Variants in PBX3 observed in about 807,000 individuals in gnomAD.
PBX3 encodes the protein PBX homeobox 3.
PBX3 carries 14 observed loss-of-function variants against 48.5 expected under a neutral mutation model. The ratio of observed to expected loss-of-function variants is 0.29; its 90% confidence interval spans 0.19 to 0.45. The LOEUF is 0.45. Among genes scored for constraint, PBX3 ranks in the 20% least tolerant of loss-of-function variants. The pLI is 1.00. For missense variants in PBX3, 386 were observed against 546.7 expected (o/e 0.71, Z 2.93); for synonymous variants, 210 against 200.3 (o/e 1.05, Z -0.41).
chr9:125,748,541 GT>G lies in PBX3; in HGVS notation c.201-3del. 1.2e-6 allele frequency: 2 copies of G among 1,613,282 alleles called. No homozygotes were observed. The highest frequency in any genetic ancestry group is 1.3e-5 in the African/African-American group (1 of 75,046). ...CTAATACCTTTGTGTTTCGTTATTT[GT>G]TTTTTAGGAAACATGCCCTGAACTG... On this transcript the variant is annotated splice_region_variant and splice_polypyrimidine_tract_variant and intron_variant, in intron 1 of 8. Transcript: ENST00000373489.
intron 5 of PBX3, among the ~76,000 whole-genome samples, chr9:125,937,411 A>C (rs1288447967): frequency 1.3e-5 from 2 of 151,804 alleles, no homozygotes; most frequent in Non-Finnish European, 2.9e-5. Flanking sequence ...CTATGGAAAA[A>C]TAGCTTTATT....
intron 2 of PBX3, among the ~76,000 whole-genome samples, chr9:125,854,197 T>C (rs1346999799): frequency 1.3e-5 from 2 of 152,140 alleles, no homozygotes; most frequent in African/African-American, 4.8e-5. Flanking sequence ...AGTGGTGTCA[T>C]CTTGGCTCAC....
chr9:125,748,046 T>C (rs1836249160), intron 1 of PBX3: 1 of 166,516 alleles, frequency 6.0e-6, no homozygotes, highest in Admixed American at 6.5e-5. Context: ...CGGGACGACC[T>C]CGCGATGCGG....
In PBX3 at chr9:125,915,947, A is replaced by G. The variant is rs1455847342; in HGVS notation, c.516+20A>G. The G allele has an allele frequency of 1.2e-6, 2 of 1,610,150 alleles. No individual in the cohort carries two copies. Among genetic ancestry groups the G allele is most frequent in the African/African-American group, 1.3e-5 (1 of 74,992 alleles). ...GAACAGGTCAGCAGCCGCCACTCTCATAGTCCTACACAAACCCTCTGTTGC... is the reference window on the plus strand; with the variant it reads ...GAACAGGTCAGCAGCCGCCACTCTCGTAGTCCTACACAAACCCTCTGTTGC... On this transcript the variant is annotated intron_variant, in intron 3 of 8. Coordinates refer to ENST00000373489, the MANE Select transcript of PBX3 (RefSeq NM_006195.6).
intron 5 of PBX3, among the ~76,000 whole-genome samples, chr9:125,944,528 C>T (rs922369123): frequency 1.3e-5 from 2 of 151,964 alleles, no homozygotes; most frequent in African/African-American, 4.8e-5. Context: ...ATAAAAGTTA[C>T]CTGAAGAAGC....
At chr9:125,825,177 A>T (rs531389162) in intron 2 of PBX3, among the ~76,000 whole-genome samples, 4 of 152,152 alleles carry the variant, frequency 2.6e-5, no homozygotes, top group Middle Eastern at 6.8e-3. Flanking sequence ...CTAGCTATTC[A>T]GGAGGCTGAG....
intron 2 of PBX3, among the ~76,000 whole-genome samples, chr9:125,879,043 C>T (rs1000669381): frequency 3.1e-4 from 47 of 150,954 alleles, no homozygotes; most frequent in Admixed American, 2.8e-3. Context: ...CAAAACTTTT[C>T]CAGTGAATGT....
chr9:125,784,865 C>G (rs1837419137), intron 2 of PBX3, among the ~76,000 whole-genome samples: 1 of 152,116 alleles, frequency 6.6e-6, no homozygotes, highest in Non-Finnish European at 1.5e-5. Context: ...GCCTAGAGGT[C>G]AGCCACAGTA....
intron 2 of PBX3, among the ~76,000 whole-genome samples, chr9:125,762,382 C>T (rs1173475492): frequency 6.6e-6 from 1 of 152,126 alleles, no homozygotes; most frequent in Non-Finnish European, 1.5e-5. Context: ...TTCTCAAATT[C>T]TTTACCTTTG....
At chr9:125,851,448 A>AGG (rs1439571313) in intron 2 of PBX3, among the ~76,000 whole-genome samples, 3 of 152,130 alleles carry the variant, frequency 2.0e-5, no homozygotes, top group African/African-American at 7.2e-5. Flanking sequence ...TTGAAAACCA[A>AGG]GGTGGGATTT....
rs189710148 is a variant in PBX3 at position 125,959,047 on chromosome 9, C to G, written c.844-1637C>G. ...TGAGAGGTCAGACTAGTCAGAGAGA[C>G]AAGGCCATTGGATTTGGGACTGGTG... On this transcript the variant is annotated intron_variant, in intron 5 of 8. Transcript: ENST00000373489. 2.2e-3 allele frequency among the ~76,000 whole-genome samples: 331 copies of G among 152,322 alleles called. 5 individuals are homozygous for G. The highest frequency in any genetic ancestry group is 0.018 in the Admixed American group (278 of 15,306).
intron 2 of PBX3, among the ~76,000 whole-genome samples, chr9:125,784,752 C>T (rs1837416942): frequency 6.6e-6 from 1 of 152,100 alleles, no homozygotes; most frequent in Non-Finnish European, 1.5e-5. Context: ...GAAAAAACCC[C>T]TTTCTCAGCC....
intron 2 of PBX3, among the ~76,000 whole-genome samples, chr9:125,847,159 C>T (rs1839446634): frequency 6.6e-6 from 1 of 151,904 alleles, no homozygotes; most frequent in Admixed American, 6.6e-5. Flanking sequence ...CTGCTTTTCT[C>T]TTTATTGGTA....
chr9:125,770,759 T>C (rs1836920415), intron 2 of PBX3, among the ~76,000 whole-genome samples: 2 of 152,196 alleles, frequency 1.3e-5, no homozygotes, highest in Admixed American at 6.5e-5. Context: ...TCAGAGATTA[T>C]GTATTTTGGA....
chr9:125,804,604 A>G (rs1838063652), intron 2 of PBX3, among the ~76,000 whole-genome samples: 1 of 152,166 alleles, frequency 6.6e-6, no homozygotes, highest in Non-Finnish European at 1.5e-5. Flanking sequence ...ATTTGATACA[A>G]ATTATGTGCC....
chr9:125,884,908 A>C (rs1840463194), intron 2 of PBX3, among the ~76,000 whole-genome samples: 1 of 152,168 alleles, frequency 6.6e-6, no homozygotes, highest in Admixed American at 6.5e-5. Flanking sequence ...TATCATTATG[A>C]CTTTCAATGT....
intron 2 of PBX3, among the ~76,000 whole-genome samples, chr9:125,779,860 C>CTGGA (rs1837196370): frequency 7.2e-6 from 1 of 138,510 alleles, no homozygotes; most frequent in Non-Finnish European, 1.6e-5. Flanking sequence ...CCCTCACCTC[C>CTGGA]CGGACGGGGC....
At chr9:125,753,163 T>G (rs1836420619) in intron 2 of PBX3, among the ~76,000 whole-genome samples, 1 of 152,146 alleles carries the variant, frequency 6.6e-6, no homozygotes, top group Non-Finnish European at 1.5e-5. Context: ...TTTTAAGCAT[T>G]AGGTCTGCTT....
chr9:125,793,366 A>AAAAAAT (rs59271982), intron 2 of PBX3, among the ~76,000 whole-genome samples: 36 of 101,944 alleles, frequency 3.5e-4, no homozygotes, highest in South Asian at 1.4e-3. Context: ...GGAAAAAAAA[A>AAAAAAT]ATATATATAT....
Sources: allele counts gnomAD v4.1 joint callset (sites outside exome capture counted in the v4.1 genomes callset), GRCh38; gene constraint gnomAD v4.1.1; transcripts MANE v1.5; gene names NCBI Gene and HGNC (gene_info 2026-07-23, HGNC 2026-07-21).